Variants in NELL2 observed in about 807,000 individuals in gnomAD.
The protein encoded by NELL2 is neural EGFL like 2.
NELL2 carries 41 observed loss-of-function variants against 109.6 expected under a neutral mutation model. The ratio of observed to expected loss-of-function variants is 0.37; its 90% CI spans 0.29 to 0.49. The LOEUF (loss-of-function observed/expected upper bound fraction) is 0.49, where lower values mean the gene tolerates loss of function less well. Ranked by LOEUF, NELL2 falls within the 20% of genes least tolerant of loss-of-function variation. NELL2 has a pLI of 0.98. For synonymous variants in NELL2, 355 were observed against 344.7 expected (o/e 1.03, Z -0.33); for missense variants, 900 against 1,008.3 (o/e 0.89, Z 1.45).
intron 1 of NELL2, among the ~76,000 whole-genome samples, chr12:44,899,997 G>C (rs937691619): frequency 6.6e-6 from 1 of 151,906 alleles, no homozygotes; most frequent in Non-Finnish European, 1.5e-5. Flanking sequence ...AACCAACAGA[G>C]ATTAAAAAAC....
chr12:44,604,703 A>G (rs1195819934), intron 15 of NELL2, among the ~76,000 whole-genome samples: 1 of 152,106 alleles, frequency 6.6e-6, no homozygotes, highest in African/African-American at 2.4e-5. Context: ...GTAGATATGC[A>G]GGGCCAAATC....
intron 1 of NELL2, among the ~76,000 whole-genome samples, chr12:44,902,694 CG>C (rs1945675088): frequency 1.3e-5 from 2 of 152,018 alleles, no homozygotes; most frequent in Admixed American, 1.3e-4. Flanking sequence ...GGTACTGGTA[CG>C]AAAACAGAGA....
intron 12 of NELL2, among the ~76,000 whole-genome samples, chr12:44,689,325 AG>A: frequency 6.6e-6 from 1 of 152,248 alleles, no homozygotes; most frequent in East Asian, 1.9e-4. Flanking sequence ...TATAATACAA[AG>A]CATCTTCAGT....
At chr12:44,682,263 T>A (rs949200942) in intron 12 of NELL2, among the ~76,000 whole-genome samples, 1 of 150,656 alleles carries the variant, frequency 6.6e-6, no homozygotes, top group African/African-American at 2.5e-5. Context: ...TTTGATGGGG[T>A]TTTTTGTTTT....
intron 2 of NELL2, among the ~76,000 whole-genome samples, chr12:44,846,166 C>G (rs75567170): frequency 0.011 from 1,617 of 152,272 alleles, 32 homozygotes; most frequent in East Asian, 0.049. Flanking sequence ...AACTTATAGG[C>G]CAGATGTCTG....
chr12:44,708,149 C>T (rs186216061), intron 11 of NELL2, among the ~76,000 whole-genome samples: 1 of 152,276 alleles, frequency 6.6e-6, no homozygotes, highest in Admixed American at 6.5e-5. Flanking sequence ...CACTGAATCA[C>T]TCAGTCTCTG....
intron 13 of NELL2, among the ~76,000 whole-genome samples, chr12:44,629,596 G>T (rs74530063): frequency 6.6e-6 from 1 of 151,978 alleles, no homozygotes; most frequent in Non-Finnish European, 1.5e-5. Flanking sequence ...GAGACAGATC[G>T]GGCACATACA....
Position 44,774,796 on chromosome 12 carries a change from A to C in NELL2, c.945T>G (p.Leu315=). ...CATCCACATACGCAAGAGCCGACTTAAGTGGGCAGTCAGGATTTGGGCAGA... is the reference window on the plus strand; with the variant it reads ...CATCCACATACGCAAGAGCCGACTTCAGTGGGCAGTCAGGATTTGGGCAGA... ...TLICPNPDCP[L]KSALAYVDGK... Residue 315 remains leucine, a synonymous_variant, in exon 9 of 20, where the codon CTT becomes CTG. Coordinates refer to ENST00000429094, the MANE Select transcript of NELL2 (RefSeq NM_001145108.2). The C allele has an allele frequency of 6.2e-7, 1 of 1,614,178 alleles. No homozygotes were observed. The highest frequency in any genetic ancestry group is 8.5e-7 in the Non-Finnish European group (1 of 1,180,026).
At chr12:44,593,170 G>A (rs75602687) in intron 15 of NELL2, among the ~76,000 whole-genome samples, 4,649 of 152,260 alleles carry the variant, frequency 0.031, 113 homozygotes, top group Non-Finnish European at 0.046. Flanking sequence ...TAGCCCCTTG[G>A]GAGTGGGAGT....
intron 1 of NELL2, among the ~76,000 whole-genome samples, chr12:44,896,008 A>C (rs1309580943): frequency 1.3e-5 from 2 of 152,226 alleles, no homozygotes; most frequent in African/African-American, 2.4e-5. Context: ...ACTAAGGAAA[A>C]TAAAGCATTT....
chr12:44,708,312 C>T (rs968658906), intron 11 of NELL2, among the ~76,000 whole-genome samples: 2 of 152,152 alleles, frequency 1.3e-5, no homozygotes, highest in South Asian at 2.1e-4. Flanking sequence ...TTTGATTTAG[C>T]GCCTACCAAT....
At chr12:44,759,253 C>T (rs1002321142) in intron 9 of NELL2, among the ~76,000 whole-genome samples, 63 of 152,290 alleles carry the variant, frequency 4.1e-4, no homozygotes, top group Admixed American at 3.3e-4. Context: ...TTTTCTATCC[C>T]TGTTTCTTTG....
chr12:44,889,938 A>G (rs914769562), intron 1 of NELL2, among the ~76,000 whole-genome samples: 4 of 152,172 alleles, frequency 2.6e-5, no homozygotes, highest in South Asian at 2.1e-4. Context: ...CTTCTTTTTG[A>G]TGAACATGTA....
Position 44,641,179 on chromosome 12 carries a change from C to T in NELL2, c.1444+24305G>A, listed in dbSNP as rs551773879. On this transcript the variant is annotated intron_variant, in intron 13 of 19. Transcript: ENST00000429094. ...ACATTAAAAATAAATTAGTGGCATA[C>T]TGCTAAGGGAAAAATCTGTACGTAC... 2.0e-5 allele frequency among the ~76,000 whole-genome samples: 3 copies of T among 152,292 alleles called. No individual in the cohort carries two copies. In the South Asian group the frequency reaches 6.2e-4, roughly 32 times the overall value.
chr12:44,687,924 T>C (rs1018358243), intron 12 of NELL2, among the ~76,000 whole-genome samples: 1 of 152,172 alleles, frequency 6.6e-6, no homozygotes, highest in East Asian at 1.9e-4. Flanking sequence ...AAAATGATAA[T>C]AAATGGCTGC....
chr12:44,729,614 ACC>A (rs1366116438), intron 9 of NELL2, among the ~76,000 whole-genome samples: 1 of 151,808 alleles, frequency 6.6e-6, no homozygotes, highest in Non-Finnish European at 1.5e-5. Flanking sequence ...CAAAAGACTT[ACC>A]TAAGATTTAA....
intron 15 of NELL2, among the ~76,000 whole-genome samples, chr12:44,570,225 C>T (rs1470280297): frequency 6.6e-6 from 1 of 152,166 alleles, no homozygotes; most frequent in African/African-American, 2.4e-5. Flanking sequence ...CCCCACAGGT[C>T]CCACTAAATG....
At chr12:44,683,120 G>C (rs1377789774) in intron 12 of NELL2, among the ~76,000 whole-genome samples, 1 of 152,082 alleles carries the variant, frequency 6.6e-6, no homozygotes. Context: ...AGTTCTCCTT[G>C]AAGAGGTCCT....
intron 11 of NELL2, among the ~76,000 whole-genome samples, chr12:44,709,206 CT>C (rs1938055320): frequency 6.6e-6 from 1 of 152,108 alleles, no homozygotes; most frequent in Non-Finnish European, 1.5e-5. Flanking sequence ...TCTATTTCCC[CT>C]TCTCTTGAAT....
Sources: gnomAD v4.1 joint callset for allele counts (sites outside exome capture counted in the v4.1 genomes callset) on GRCh38, gnomAD v4.1.1 for gene constraint, MANE v1.5 for transcripts, NCBI Gene and HGNC (gene_info 2026-07-23, HGNC 2026-07-21) for gene names.